The following CADPS variants were observed in gnomAD, a reference collection of about 807,000 sequenced individuals.
CADPS encodes the protein calcium dependent secretion activator, also known as calcium-dependent secretion activator 1.
A neutral mutation model predicts 167.3 loss-of-function variants in CADPS; 57 were observed. The ratio of observed to expected loss-of-function variants is 0.34; its 90% CI spans 0.28 to 0.42. CADPS has a LOEUF of 0.42. Ranked by LOEUF, CADPS falls within the 20% of genes least tolerant of loss-of-function variation. The pLI, the probability that CADPS is intolerant of heterozygous loss-of-function variation, is 1.00. For missense variants in CADPS, 1,414 were observed against 1,738.1 expected (o/e 0.81, Z 3.32); for synonymous variants, 676 against 635.3 (o/e 1.06, Z -0.96).
chr3:62,486,954 G>C (rs2150979247), intron 21 of CADPS, among the ~76,000 whole-genome samples: 1 of 152,350 alleles, frequency 6.6e-6, no homozygotes. Context: ...TCAGGTCATT[G>C]ACATGGAAAT....
intron 28 of CADPS, among the ~76,000 whole-genome samples, chr3:62,424,242 G>A (rs149869510): frequency 1.0e-3 from 153 of 152,206 alleles, no homozygotes; most frequent in Middle Eastern, 3.4e-3. Context: ...GGAGTGCAGT[G>A]GCACGATCTC....
chr3:62,715,068 T>C (rs551351992), intron 3 of CADPS, among the ~76,000 whole-genome samples: 16 of 152,314 alleles, frequency 1.1e-4, no homozygotes, highest in African/African-American at 3.6e-4. Context: ...CTTGTAAAAG[T>C]GCTGTCTTTT....
At chr3:62,851,606 A>G (rs2078605149) in intron 1 of CADPS, among the ~76,000 whole-genome samples, 10 of 135,624 alleles carry the variant, frequency 7.4e-5, no homozygotes, top group Admixed American at 5.9e-4. Context: ...ATTGGCCCCC[A>G]CTCTCTTCTG....
At chr3:62,475,203 A>AT (rs1185801816) in intron 23 of CADPS, among the ~76,000 whole-genome samples, 1 of 152,208 alleles carries the variant, frequency 6.6e-6, no homozygotes, top group African/African-American at 2.4e-5. Context: ...CTAGCCTGAC[A>AT]TGGCCAGCTG....
At chr3:62,704,032 A>T (rs35663757) in intron 3 of CADPS, among the ~76,000 whole-genome samples, 11,757 of 152,136 alleles carry the variant, frequency 0.077, 616 homozygotes, top group Non-Finnish European at 0.12. Flanking sequence ...ACCACCAGGG[A>T]TATTAAGTAC....
chr3:62,721,553 C>T (rs1331910880), intron 3 of CADPS, among the ~76,000 whole-genome samples: 2 of 152,098 alleles, frequency 1.3e-5, no homozygotes, highest in Non-Finnish European at 2.9e-5. Flanking sequence ...TGCTGTGACG[C>T]TTCCTGAAAC....
At chr3:62,727,306 C>A (rs1396004910) in intron 3 of CADPS, among the ~76,000 whole-genome samples, 1 of 151,864 alleles carries the variant, frequency 6.6e-6, no homozygotes, top group East Asian at 1.9e-4. Flanking sequence ...ATAAATAAAG[C>A]TCATAGATGT....
Position 62,572,686 on chromosome 3 carries a change from T to G in CADPS, c.1578-1748A>C, listed in dbSNP as rs189050745. Among the ~76,000 whole-genome samples the G allele has an allele frequency of 6.9e-3, 997 of 145,118 alleles. 15 individuals are homozygous for G. The highest frequency in any genetic ancestry group is 0.023 in the African/African-American group (934 of 39,984). ...ATCTATTTTGAAAAGTAAACTATAT[T>G]ATAGGCTTGATATACCAATTATACA... On this transcript the variant is annotated intron_variant, in intron 8 of 29. Transcript: ENST00000383710.
chr3:62,476,366 C>A (rs908279187), intron 23 of CADPS, among the ~76,000 whole-genome samples: 4 of 152,064 alleles, frequency 2.6e-5, no homozygotes, highest in Admixed American at 1.3e-4. Flanking sequence ...TCTGTAGGTC[C>A]GGGGGTATTT....
intron 1 of CADPS, among the ~76,000 whole-genome samples, chr3:62,794,892 C>G (rs542613672): frequency 6.6e-6 from 1 of 151,664 alleles, no homozygotes; most frequent in Non-Finnish European, 1.5e-5. Flanking sequence ...TCTTGCACAT[C>G]AGTTTGGAGA....
chr3:62,599,107 C>G (rs921456168), intron 6 of CADPS, among the ~76,000 whole-genome samples: 1 of 151,940 alleles, frequency 6.6e-6, no homozygotes, highest in Non-Finnish European at 1.5e-5. Flanking sequence ...TTTAAAGTGT[C>G]CCAGAACTGA....
intron 28 of CADPS, among the ~76,000 whole-genome samples, chr3:62,425,374 G>A (rs1201667441): frequency 6.6e-6 from 1 of 152,144 alleles, no homozygotes; most frequent in African/African-American, 2.4e-5. Context: ...CAAATGTGCT[G>A]TAGGGGACAA....
At position 62,859,424 on chromosome 3, in the gene CADPS, G is replaced by C. The variant is rs560152469; in HGVS notation, c.441+15165C>G. On this transcript the variant is annotated intron_variant, in intron 1 of 29. Transcript: ENST00000383710. ...CCGACTCAAATACTAATTGAATATT[G>C]ACTGAAAGATAGCTTTGGGCTCTCC... 3.3e-5 allele frequency among the ~76,000 whole-genome samples: 5 copies of C among 152,144 alleles called. No individual in the cohort carries two copies. In the South Asian group the frequency reaches 1.0e-3, roughly 32 times the overall value.
intron 1 of CADPS, among the ~76,000 whole-genome samples, chr3:62,849,064 T>C (rs1260731584): frequency 6.6e-6 from 1 of 150,862 alleles, no homozygotes; most frequent in African/African-American, 2.5e-5. Flanking sequence ...AGTTCACTCA[T>C]GATTTGGCTG....
intron 28 of CADPS, among the ~76,000 whole-genome samples, chr3:62,427,914 A>G (rs2053092760): frequency 6.6e-6 from 1 of 152,196 alleles, no homozygotes. Context: ...GGGGCTTTAT[A>G]CCTTGGTTGG....
At chr3:62,572,848 A>C (rs988940201) in intron 8 of CADPS, among the ~76,000 whole-genome samples, 3 of 152,124 alleles carry the variant, frequency 2.0e-5, no homozygotes, top group African/African-American at 7.2e-5. Context: ...GTGGTGTAGT[A>C]TTTGCATGTA....
intron 28 of CADPS, among the ~76,000 whole-genome samples, chr3:62,437,029 A>C (rs992577408): frequency 6.6e-6 from 1 of 151,958 alleles, no homozygotes; most frequent in South Asian, 2.1e-4. Context: ...CACAAACTCA[A>C]TGTAAATTGC....
rs2150383614 is a variant in CADPS, at chr3:62,465,817, A to G, written c.3553-367T>C. On this transcript the variant is annotated intron_variant, in intron 25 of 29. Transcript: ENST00000383710. The surrounding 1 kb of genome is among the most constrained non-coding windows in gnomAD (Gnocchi z 4.1). ...ACTACATTTAATCCAATCTATTTTTATTTGTATTTTATCAGTAATTTGGGG... is the reference window on the plus strand; with the variant it reads ...ACTACATTTAATCCAATCTATTTTTGTTTGTATTTTATCAGTAATTTGGGG... Among the ~76,000 whole-genome samples, 1 of 152,314 alleles carries G rather than the reference A, an allele frequency of 6.6e-6. No individual in the cohort carries two copies. Among genetic ancestry groups the G allele is most frequent in the East Asian group, 1.9e-4 (1 of 5,186 alleles).
At chr3:62,652,417 AAAAAAAT>A (rs2070415030) in intron 4 of CADPS, among the ~76,000 whole-genome samples, 1 of 151,846 alleles carries the variant, frequency 6.6e-6, no homozygotes, top group Non-Finnish European at 1.5e-5. Context: ...AAAAAAAAAA[AAAAAAAT>A]AAGCTGTGTA....
Sources: gnomAD v4.1 joint callset for allele counts (sites outside exome capture counted in the v4.1 genomes callset) on GRCh38, gnomAD v4.1.1 for gene constraint, Gnocchi (gnomAD v3.1) non-coding constraint, MANE v1.5 for transcripts, NCBI Gene and HGNC (gene_info 2026-07-23, HGNC 2026-07-21) for gene names.